The following TRPM3 variants were observed in gnomAD, a reference collection of about 807,000 sequenced individuals.
The protein encoded by TRPM3 is transient receptor potential cation channel subfamily M member 3, also known as long transient receptor potential channel 3.
In TRPM3, 77 loss-of-function variants were observed where a neutral mutation model predicts 181.2. That is an observed-to-expected ratio of 0.42 (90% CI 0.35 to 0.51). The LOEUF (loss-of-function observed/expected upper bound fraction) is 0.51. TRPM3 is among the 20% of genes least tolerant of loss of function. The probability of loss-of-function intolerance (pLI) is 0.01; values close to 1 mark genes in which losing one functional copy is unlikely to be tolerated. For synonymous variants in TRPM3, 745 were observed against 796.4 expected, an observed-to-expected ratio of 0.94 and a Z score of 1.09; for missense variants, 1,759 against 2,196.7, an observed-to-expected ratio of 0.80 and a Z score of 3.98.
intron 3 of TRPM3, among the ~76,000 whole-genome samples, chr9:70,859,642 A>G (rs762729046): frequency 5.3e-5 from 8 of 152,204 alleles, no homozygotes; most frequent in Non-Finnish European, 1.0e-4. Context: ...ACTAAGAAGG[A>G]TACACATTTT....
chr9:70,592,381 G>A (rs977012358), intron 21 of TRPM3, among the ~76,000 whole-genome samples: 8 of 152,170 alleles, frequency 5.3e-5, no homozygotes, highest in African/African-American at 1.7e-4. Context: ...GTAATGGGGT[G>A]AGTTCATAGT....
intron 1 of TRPM3, among the ~76,000 whole-genome samples, chr9:71,067,089 A>T (rs898862648): frequency 6.6e-6 from 1 of 152,196 alleles, no homozygotes; most frequent in Non-Finnish European, 1.5e-5. Flanking sequence ...AAAGCACTCC[A>T]ACGATAGGCA....
chr9:71,032,033 AATAT>A (rs1205892394), intron 1 of TRPM3, among the ~76,000 whole-genome samples: 2 of 1,004 alleles, frequency 2.0e-3, no homozygotes, highest in African/African-American at 7.1e-3. Flanking sequence ...ATATAATATA[AATAT>A]ATATATATAT....
chr9:70,767,966 C>T (rs534009810), intron 7 of TRPM3, among the ~76,000 whole-genome samples: 2 of 152,222 alleles, frequency 1.3e-5, no homozygotes, highest in African/African-American at 4.8e-5. Flanking sequence ...AAAAGTAGCC[C>T]AGAATCAAGA....
At chr9:71,180,519 T>G (rs1165040446) in intron 1 of TRPM3, among the ~76,000 whole-genome samples, 1 of 152,134 alleles carries the variant, frequency 6.6e-6, no homozygotes, top group Admixed American at 6.6e-5. Context: ...TTGTAATACC[T>G]GACATGGGAA....
At chr9:70,823,888 G>T (rs769844651) in intron 6 of TRPM3, among the ~76,000 whole-genome samples, 25 of 152,168 alleles carry the variant, frequency 1.6e-4, no homozygotes, top group Non-Finnish European at 2.4e-4. Flanking sequence ...TGTCTGAAAG[G>T]CTTCTCTTTT....
chr9:71,015,255 G>A (rs1435850629), intron 1 of TRPM3, among the ~76,000 whole-genome samples: 2 of 152,022 alleles, frequency 1.3e-5, no homozygotes, highest in Non-Finnish European at 2.9e-5. Flanking sequence ...CTCTCAGTTC[G>A]GTCGCTTTGA....
chr9:71,007,659 T>C (rs1480222731), intron 1 of TRPM3, among the ~76,000 whole-genome samples: 1 of 152,114 alleles, frequency 6.6e-6, no homozygotes, highest in Non-Finnish European at 1.5e-5. Flanking sequence ...AATTAAAAAA[T>C]TCCTTGGGAC....
At position 71,351,351 on chromosome 9, in the gene TRPM3, T is replaced by C. The variant is rs11142805; in HGVS notation, c.183+95302A>G. 2.5e-3 allele frequency among the ~76,000 whole-genome samples: 383 copies of C among 152,306 alleles called. 17 individuals are homozygous for C. In the East Asian group the frequency reaches 0.062, roughly 25 times the overall value. ...GGATTCACGTGAACAAATTTAGCGA[T>C]TGTTGCAATGTTGTCTGCCTTATTA... On this transcript the variant is annotated intron_variant, in intron 1 of 24. Transcript: ENST00000357533.
chr9:70,964,475 T>G (rs2097167118), intron 1 of TRPM3, among the ~76,000 whole-genome samples: 1 of 152,110 alleles, frequency 6.6e-6, no homozygotes, highest in Admixed American at 6.6e-5. Context: ...TTCCTCATTC[T>G]GTTTCATTTC....
intron 1 of TRPM3, among the ~76,000 whole-genome samples, chr9:71,175,713 T>C (rs2134851102): frequency 6.6e-6 from 1 of 152,172 alleles, no homozygotes. Context: ...AACATGGAGA[T>C]CAAAATCATT....
intron 1 of TRPM3, among the ~76,000 whole-genome samples, chr9:71,444,028 A>C (rs1421182952): frequency 6.6e-6 from 1 of 151,912 alleles, no homozygotes; most frequent in Non-Finnish European, 1.5e-5. Context: ...AAAATACAAA[A>C]ATTAGCTGGG....
intron 1 of TRPM3, among the ~76,000 whole-genome samples, chr9:71,106,579 T>C (rs1565208868): frequency 6.6e-6 from 1 of 152,124 alleles, no homozygotes; most frequent in East Asian, 1.9e-4. Flanking sequence ...TGCAGAACCA[T>C]GAGCCAAAAT....
chr9:71,151,067 A>C (rs1243652117), intron 1 of TRPM3, among the ~76,000 whole-genome samples: 1 of 152,208 alleles, frequency 6.6e-6, no homozygotes, highest in Non-Finnish European at 1.5e-5. Context: ...AATAAATACC[A>C]GTTAAAAACA....
rs569542243 is a variant in TRPM3, at chr9:70,571,980, T to C, written c.3224-18670A>G. Among the ~76,000 whole-genome samples, 3 of 134,408 alleles carry C rather than the reference T, an allele frequency of 2.2e-5. No homozygotes were observed. The East Asian group carries it at 6.2e-4, about 28-fold the overall frequency. 88.2% of individuals were successfully genotyped at this position (134,408 alleles called of 152,430 possible). A position where few individuals can be genotyped will look rare whatever the true frequency, so the allele number is the denominator to read the frequency against. ...TTTTCTCCATGTCCATCTTGACTGTTGGCATTTGCATACTCACTAAGGACA... is the reference window on the plus strand; with the variant it reads ...TTTTCTCCATGTCCATCTTGACTGTCGGCATTTGCATACTCACTAAGGACA... On this transcript the variant is annotated intron_variant, in intron 22 of 25. Transcript: ENST00000677713.
intron 8 of TRPM3, among the ~76,000 whole-genome samples, chr9:70,737,914 C>T (rs2073109508): frequency 6.6e-6 from 1 of 152,018 alleles, no homozygotes; most frequent in Non-Finnish European, 1.5e-5. Flanking sequence ...GACAGCAACA[C>T]AATAATAGTG....
At chr9:71,399,642 C>T (rs565880781) in intron 1 of TRPM3, among the ~76,000 whole-genome samples, 46 of 150,026 alleles carry the variant, frequency 3.1e-4, no homozygotes, top group African/African-American at 1.1e-3. Flanking sequence ...CATTATCCTG[C>T]CTCAGCCTCC....
rs1165875429 is a variant in TRPM3 at position 70,843,010 on chromosome 9, C to A, written c.794G>T (p.Gly265Val). 6.2e-7 allele frequency: 1 copy of A among 1,613,684 alleles called. No individual in the cohort carries two copies. The highest frequency in any genetic ancestry group is 8.5e-7 in the Non-Finnish European group (1 of 1,179,842). ...ACAGCACTCAGGACTTACATCTCTT[C>A]CAATGAGGTCCTCCTGGTTTTCCAC... ...GIVENQEDLIGRDVVRPYQTM... is the reference protein window; with the variant it reads ...GIVENQEDLIVRDVVRPYQTM... The change falls in exon 5 of 26, where the codon GGA becomes GTA. Residue 265 changes from glycine (G) to valine (V), a missense_variant. By Grantham distance (109) the Gly-to-Val change is moderately radical. Around this residue, in one of 8 missense-constraint regions of TRPM3, gnomAD observed 737 missense variants for 957.4 expected, o/e 0.77. Coordinates refer to ENST00000677713, the MANE Select transcript of TRPM3 (RefSeq NM_001366145.2).
intron 1 of TRPM3, among the ~76,000 whole-genome samples, chr9:71,157,187 G>C (rs1404550040): frequency 6.6e-6 from 1 of 152,004 alleles, no homozygotes; most frequent in Admixed American, 6.6e-5. Flanking sequence ...TCAACAAAAA[G>C]CATAACACCT....
Sources: gnomAD v4.1 joint callset for allele counts (sites outside exome capture counted in the v4.1 genomes callset) on GRCh38, gnomAD v4.1.1 for gene constraint, gnomAD v4.1.1 regional missense constraint, MANE v1.5 for transcripts, NCBI Gene and HGNC (gene_info 2026-07-23, HGNC 2026-07-21) for gene names.